DLG2: variants seen among roughly 807,000 people sequenced by gnomAD.
The protein encoded by DLG2 is discs large MAGUK scaffold protein 2, also known as disks large homolog 2.
DLG2 carries 45 observed loss-of-function variants against 132.5 expected under a neutral mutation model. That is an observed-to-expected ratio of 0.34 (90% CI 0.27 to 0.44). DLG2 has a LOEUF of 0.44. DLG2 is among the 20% of genes least tolerant of loss of function. The pLI, the probability that DLG2 is intolerant of heterozygous loss-of-function variation, is 1.00. For synonymous variants in DLG2, 424 were observed against 419.6 expected (o/e 1.01, Z -0.13); for missense variants, 1,045 against 1,196.9 (o/e 0.87, Z 1.87).
At chr11:84,686,199 G>A (rs1199533863) in intron 6 of DLG2, among the ~76,000 whole-genome samples, 1 of 152,200 alleles carries the variant, frequency 6.6e-6, no homozygotes, top group Non-Finnish European at 1.5e-5. Context: ...GCTTGCCTAA[G>A]GTCAGACATG....
intron 6 of DLG2, among the ~76,000 whole-genome samples, chr11:85,071,677 T>G (rs2065888957): frequency 6.6e-6 from 1 of 151,670 alleles, no homozygotes; most frequent in African/African-American, 2.4e-5. Context: ...TGAAAAAAAT[T>G]CAAACATAAA....
At chr11:83,870,865 C>T (rs755375409) in intron 16 of DLG2, among the ~76,000 whole-genome samples, 2 of 152,154 alleles carry the variant, frequency 1.3e-5, no homozygotes, top group Non-Finnish European at 2.9e-5. Context: ...AGTGCTACTG[C>T]ACTGTGGTAG....
At chr11:83,912,165 T>A (rs945617514) in intron 15 of DLG2, among the ~76,000 whole-genome samples, 1 of 50,102 alleles carries the variant, frequency 2.0e-5, no homozygotes, top group Non-Finnish European at 4.0e-5. Context: ...CAAAATTATA[T>A]AAAATTTTTG....
At chr11:85,229,700 C>A (rs1595553353) in intron 4 of DLG2, among the ~76,000 whole-genome samples, 1 of 152,066 alleles carries the variant, frequency 6.6e-6, no homozygotes, top group Admixed American at 6.6e-5. Flanking sequence ...CATATGTTTA[C>A]TGCAGCACTG....
At chr11:84,749,626 A>G (rs971469688) in intron 6 of DLG2, among the ~76,000 whole-genome samples, 2 of 152,142 alleles carry the variant, frequency 1.3e-5, no homozygotes, top group African/African-American at 2.4e-5. Context: ...AGTACACTCT[A>G]TGATATTTGC....
At chr11:83,979,524 A>C (rs2092592300) in intron 12 of DLG2, among the ~76,000 whole-genome samples, 1 of 152,184 alleles carries the variant, frequency 6.6e-6, no homozygotes, top group Admixed American at 6.6e-5. Flanking sequence ...CACAGTCCCA[A>C]ATGCTTTGTT....
At chr11:85,111,605 C>CA in intron 6 of DLG2, 56 bp downstream of exon 6, 1 of 1,421,548 alleles carries the variant, frequency 7.0e-7, no homozygotes, top group Non-Finnish European at 9.5e-7. Context: ...AAGATTATTC[C>CA]AAAATATAAA....
chr11:84,148,727 G>A (rs1796764132), intron 9 of DLG2, among the ~76,000 whole-genome samples: 1 of 152,054 alleles, frequency 6.6e-6, no homozygotes, highest in African/African-American at 2.4e-5. Flanking sequence ...TCTTTGGGTA[G>A]ATACCTAGTA....
intron 3 of DLG2, among the ~76,000 whole-genome samples, chr11:85,551,127 A>G (rs1227820312): frequency 6.6e-6 from 1 of 152,238 alleles, no homozygotes; most frequent in East Asian, 1.9e-4. Context: ...ACACTTTCCC[A>G]GATGATTCCG....
At chr11:85,526,270 G>A (rs2074735362) in intron 3 of DLG2, among the ~76,000 whole-genome samples, 1 of 151,940 alleles carries the variant, frequency 6.6e-6, no homozygotes, top group Admixed American at 6.6e-5. Context: ...TAAAATCAGT[G>A]ATACAGAGAA....
At chr11:85,623,556 G>A (rs2081875123) in intron 2 of DLG2, among the ~76,000 whole-genome samples, 1 of 152,166 alleles carries the variant, frequency 6.6e-6, no homozygotes, top group Admixed American at 6.5e-5. Context: ...GCCCGCCTCG[G>A]CCTCCCAAAG....
intron 19 of DLG2, among the ~76,000 whole-genome samples, chr11:83,596,678 C>A (rs2057640926): frequency 6.6e-6 from 1 of 152,158 alleles, no homozygotes; most frequent in Non-Finnish European, 1.5e-5. Context: ...TTCACCTGAA[C>A]CTAATCTATC....
intron 7 of DLG2, among the ~76,000 whole-genome samples, chr11:84,387,607 A>G (rs1304824061): frequency 6.6e-6 from 1 of 152,166 alleles, no homozygotes; most frequent in Non-Finnish European, 1.5e-5. Context: ...AATGAGAGAC[A>G]ATACTCCTGT....
intron 7 of DLG2, among the ~76,000 whole-genome samples, chr11:84,262,020 G>A (rs1320609977): frequency 6.6e-6 from 1 of 152,118 alleles, no homozygotes; most frequent in Non-Finnish European, 1.5e-5. Flanking sequence ...ATTATAAACA[G>A]AAAGACTCCT....
chr11:85,309,600 C>T (rs533853470), intron 3 of DLG2, among the ~76,000 whole-genome samples: 2 of 152,114 alleles, frequency 1.3e-5, no homozygotes, highest in Admixed American at 1.3e-4. Context: ...AAGACAAGGC[C>T]CTTCATAGCC....
intron 18 of DLG2, among the ~76,000 whole-genome samples, chr11:83,757,782 T>G (rs968326024): frequency 1.3e-5 from 2 of 152,098 alleles, no homozygotes; most frequent in African/African-American, 4.8e-5. Context: ...TCATCAGACT[T>G]TGATGCCTAA....
chr11:84,123,250 T>C (rs963147205), intron 9 of DLG2, among the ~76,000 whole-genome samples: 9 of 152,338 alleles, frequency 5.9e-5, no homozygotes, highest in Admixed American at 3.3e-4. Context: ...TTAAAATGTA[T>C]AAAGCATCTG....
intron 6 of DLG2, among the ~76,000 whole-genome samples, chr11:84,970,359 G>A (rs1167300772): frequency 6.6e-6 from 1 of 151,988 alleles, no homozygotes; most frequent in East Asian, 1.9e-4. Flanking sequence ...GATGCTCAAG[G>A]ATTCCATCTG....
At chr11:85,406,307 A>C (rs2152972686) in intron 3 of DLG2, among the ~76,000 whole-genome samples, 1 of 152,076 alleles carries the variant, frequency 6.6e-6, no homozygotes, top group African/African-American at 2.4e-5. Flanking sequence ...GTATCTGTAG[A>C]AGTTAAGATA....
Sources: allele counts gnomAD v4.1 joint callset (sites outside exome capture counted in the v4.1 genomes callset), GRCh38; gene constraint gnomAD v4.1.1; transcripts MANE v1.5; gene names NCBI Gene and HGNC (gene_info 2026-07-23, HGNC 2026-07-21).